Variants in PLCB1 observed in about 807,000 individuals in gnomAD.
PLCB1 encodes the protein 1-phosphatidylinositol 4,5-bisphosphate phosphodiesterase beta-1.
Under a neutral mutation model 161.8 loss-of-function variants are expected in PLCB1, and 46 were observed. The ratio of observed to expected loss-of-function variants is 0.28; its 90% confidence interval spans 0.22 to 0.36. PLCB1 has a LOEUF of 0.36. Ranked by LOEUF, PLCB1 falls within the 10% of genes least tolerant of loss-of-function variation. The probability of loss-of-function intolerance (pLI) is 1.00; values close to 1 mark genes in which losing one functional copy is unlikely to be tolerated. For missense variants in PLCB1, 1,016 were observed against 1,472.5 expected (o/e 0.69, Z 5.07); for synonymous variants, 517 against 503.7 (o/e 1.03, Z -0.35).
At chr20:8,268,507 G>T (rs1373783282) in intron 2 of PLCB1, among the ~76,000 whole-genome samples, 1 of 152,124 alleles carries the variant, frequency 6.6e-6, no homozygotes, top group Non-Finnish European at 1.5e-5. Flanking sequence ...GGATCAAATG[G>T]TATTTCTAGT....
chr20:8,133,072 G>T (rs1198335524), intron 1 of PLCB1, among the ~76,000 whole-genome samples: 1 of 152,134 alleles, frequency 6.6e-6, no homozygotes, highest in Non-Finnish European at 1.5e-5. Context: ...CGGAAAGTAG[G>T]GAGTGTGAAG....
At chr20:8,371,004 C>T (rs953695320) in intron 2 of PLCB1, 9 of 174,078 alleles carry the variant, frequency 5.2e-5, no homozygotes, top group South Asian at 1.5e-4. Flanking sequence ...CATCCCACTC[C>T]GTCCTCCTCC....
chr20:8,730,273 C>T (rs955570014), intron 18 of PLCB1, among the ~76,000 whole-genome samples: 1 of 151,832 alleles, frequency 6.6e-6, no homozygotes, highest in South Asian at 2.1e-4. Context: ...TTTATTTAAC[C>T]TTTTCAACCA....
intron 3 of PLCB1, among the ~76,000 whole-genome samples, chr20:8,620,275 T>G (rs917458504): frequency 6.6e-5 from 10 of 152,192 alleles, no homozygotes; most frequent in Admixed American, 6.5e-4. Context: ...TGTGCGGCTC[T>G]CAGCCCTTAA....
At chr20:8,238,088 TG>T (rs1980417916) in intron 2 of PLCB1, among the ~76,000 whole-genome samples, 1 of 152,064 alleles carries the variant, frequency 6.6e-6, no homozygotes, top group African/African-American at 2.4e-5. Flanking sequence ...GCACTCATGG[TG>T]TCCCTGTAGG....
chr20:8,272,266 A>G (rs1037041891), intron 2 of PLCB1, among the ~76,000 whole-genome samples: 2 of 152,138 alleles, frequency 1.3e-5, no homozygotes, highest in Admixed American at 1.3e-4. Context: ...AATAGAGAGC[A>G]TATGTTTTGT....
chr20:8,339,778 G>C (rs1985728822), intron 2 of PLCB1, among the ~76,000 whole-genome samples: 1 of 152,068 alleles, frequency 6.6e-6, no homozygotes, highest in Non-Finnish European at 1.5e-5. Context: ...CTGTTTTCTT[G>C]TCTATAAAAT....
At chr20:8,228,450 C>T (rs571566922) in intron 2 of PLCB1, among the ~76,000 whole-genome samples, 2 of 152,262 alleles carry the variant, frequency 1.3e-5, no homozygotes, top group South Asian at 2.1e-4. Flanking sequence ...TCCTTGCCTT[C>T]TCTGTGCATC....
intron 31 of PLCB1, among the ~76,000 whole-genome samples, chr20:8,878,212 A>G (rs1215235799): frequency 6.6e-6 from 1 of 152,186 alleles, no homozygotes; most frequent in Non-Finnish European, 1.5e-5. Context: ...AGTTCAACCT[A>G]TAAGAGAACA....
intron 2 of PLCB1, among the ~76,000 whole-genome samples, chr20:8,343,274 C>A (rs1157739129): frequency 6.6e-6 from 1 of 152,220 alleles, no homozygotes; most frequent in Non-Finnish European, 1.5e-5. Flanking sequence ...CTTTGTATAG[C>A]AAGATCCTAG....
At chr20:8,608,600 A>G (rs1179124095) in intron 3 of PLCB1, among the ~76,000 whole-genome samples, 1 of 152,204 alleles carries the variant, frequency 6.6e-6, no homozygotes, top group Non-Finnish European at 1.5e-5. Context: ...TTAGATAAGG[A>G]TACTTAGATT....
At chr20:8,138,643 A>G (rs1288212334) in intron 1 of PLCB1, among the ~76,000 whole-genome samples, 1 of 152,206 alleles carries the variant, frequency 6.6e-6, no homozygotes, top group Non-Finnish European at 1.5e-5. Context: ...GTAAGTAGGC[A>G]AAGGAAATAT....
chr20:8,802,909 A>G (rs903141841), intron 31 of PLCB1, among the ~76,000 whole-genome samples: 5 of 152,236 alleles, frequency 3.3e-5, no homozygotes, highest in African/African-American at 1.2e-4. Flanking sequence ...AAGCCATTCC[A>G]AAGAGTGTGC....
intron 31 of PLCB1, among the ~76,000 whole-genome samples, chr20:8,815,258 T>G (rs78922098): frequency 0.026 from 4,029 of 152,288 alleles, 171 homozygotes; most frequent in African/African-American, 0.092. Context: ...GGGCTTTGCT[T>G]TAATTACCTC....
chr20:8,429,462 G>T lies in PLCB1; in HGVS notation c.246+58012G>T, dbSNP rs933251050. 2.0e-5 allele frequency among the ~76,000 whole-genome samples: 3 copies of T among 149,870 alleles called. No homozygotes were observed. The East Asian group carries it at 5.8e-4, about 29-fold the overall frequency. Reference sequence around the variant, plus strand: ...TGTGGGTTATGAATTCAATTTTGTGGATTGGGACCTGCAATTTAAAAAAAA... The same window carrying T: ...TGTGGGTTATGAATTCAATTTTGTGTATTGGGACCTGCAATTTAAAAAAAA... On this transcript the variant is annotated intron_variant, in intron 3 of 31. Coordinates refer to ENST00000338037, the MANE Select transcript of PLCB1 (RefSeq NM_015192.4).
intron 3 of PLCB1, among the ~76,000 whole-genome samples, chr20:8,581,226 C>T (rs913635541): frequency 1.3e-5 from 2 of 152,146 alleles, no homozygotes; most frequent in Non-Finnish European, 2.9e-5. Context: ...TAGGGCCTGG[C>T]ACCTAGGATG....
chr20:8,507,179 G>T (rs2122834935), intron 3 of PLCB1, among the ~76,000 whole-genome samples: 1 of 152,246 alleles, frequency 6.6e-6, no homozygotes, highest in East Asian at 1.9e-4. Context: ...TCATCATAAA[G>T]GTCTTCATCC....
At chr20:8,564,891 A>C (rs1004844863) in intron 3 of PLCB1, among the ~76,000 whole-genome samples, 6 of 152,222 alleles carry the variant, frequency 3.9e-5, no homozygotes, top group African/African-American at 1.4e-4. Context: ...TGTTGGTGGG[A>C]GTGTAAATTA....
At chr20:8,593,585 G>T (rs1987224117) in intron 3 of PLCB1, among the ~76,000 whole-genome samples, 1 of 151,948 alleles carries the variant, frequency 6.6e-6, no homozygotes, top group African/African-American at 2.4e-5. Flanking sequence ...ATGATAATCT[G>T]ACATTGTTTC....
Sources: allele counts gnomAD v4.1 joint callset (sites outside exome capture counted in the v4.1 genomes callset), GRCh38; gene constraint gnomAD v4.1.1; transcripts MANE v1.5; gene names NCBI Gene and HGNC (gene_info 2026-07-23, HGNC 2026-07-21).